PACS1: variants seen among roughly 807,000 people sequenced by gnomAD.
The protein encoded by PACS1 is phosphofurin acidic cluster sorting protein 1.
Under a neutral mutation model 115.0 loss-of-function variants are expected in PACS1, and 24 were observed. The ratio of observed to expected loss-of-function variants is 0.21; its 90% CI spans 0.15 to 0.29. The LOEUF is 0.29. Ranked by LOEUF, PACS1 falls within the 10% of genes least tolerant of loss-of-function variation. The pLI, the probability that PACS1 is intolerant of heterozygous loss-of-function variation, is 1.00. For synonymous variants in PACS1, 453 were observed against 504.5 expected (o/e 0.90, Z 1.37); for missense variants, 838 against 1,251.2 (o/e 0.67, Z 4.98).
intron 4 of PACS1, among the ~76,000 whole-genome samples, chr11:66,213,525 A>G (rs763600681): frequency 1.2e-4 from 19 of 152,184 alleles, no homozygotes; most frequent in African/African-American, 1.7e-4. Flanking sequence ...CATGTCCCCA[A>G]CTGGGTGTCA....
At position 66,070,516 on chromosome 11, in the gene PACS1, TCCCGGAGGC is replaced by T. The variant is rs1360771790; in HGVS notation, c.31_39del (p.Pro11_Gly13del). On this transcript the variant is annotated inframe_deletion, in exon 1 of 24. Transcript: ENST00000320580. The surrounding 1 kb of genome is among the most constrained non-coding windows in gnomAD (Gnocchi z 5.9). ...CGGAACGCGGAGGGGCGGGCGGTGG[TCCCGGAGGC>T]GCCGGGGGCGGCAGCGGCCAGCGGG... is the stretch of plus-strand genomic sequence containing the variant. 2.3e-6 allele frequency: 3 copies of T among 1,320,454 alleles called. No individual in the cohort carries two copies. Among genetic ancestry groups the T allele is most frequent in the Non-Finnish European group, 1.9e-6 (2 of 1,044,206 alleles). The allele number at this position is 1,320,454 out of a possible 1,614,324, so 81.8% of individuals were successfully genotyped here.
At chr11:66,126,309 AG>A (rs1858570072) in intron 1 of PACS1, among the ~76,000 whole-genome samples, 2 of 152,180 alleles carry the variant, frequency 1.3e-5, no homozygotes, top group Non-Finnish European at 2.9e-5. Context: ...TCCAGTAATC[AG>A]GGTGTTTCCT....
At chr11:66,117,271 G>A (rs2134554590) in intron 1 of PACS1, among the ~76,000 whole-genome samples, 1 of 151,926 alleles carries the variant, frequency 6.6e-6, no homozygotes, top group African/African-American at 2.4e-5. Context: ...AGCCAGCCTA[G>A]CCAACATGGT....
intron 1 of PACS1, among the ~76,000 whole-genome samples, chr11:66,086,751 G>C (rs1369316125): frequency 6.6e-6 from 1 of 152,144 alleles, no homozygotes; most frequent in Non-Finnish European, 1.5e-5. Flanking sequence ...GAGTAGCTGG[G>C]ATTACAGGCA....
intron 2 of PACS1, among the ~76,000 whole-genome samples, chr11:66,201,288 T>C (rs1298898954): frequency 2.6e-5 from 4 of 151,100 alleles, no homozygotes; most frequent in Non-Finnish European, 4.4e-5. Flanking sequence ...TAGAAATCAA[T>C]AGCAAGGAAT....
intron 1 of PACS1, among the ~76,000 whole-genome samples, chr11:66,125,280 A>G (rs1858545213): frequency 6.6e-6 from 1 of 152,166 alleles, no homozygotes; most frequent in African/African-American, 2.4e-5. Flanking sequence ...CAAAATCTCA[A>G]AAACCTACGG....
chr11:66,101,393 A>G (rs1857918153), intron 1 of PACS1, among the ~76,000 whole-genome samples: 1 of 152,244 alleles, frequency 6.6e-6, no homozygotes, highest in Non-Finnish European at 1.5e-5. Context: ...TTTAAAAAAT[A>G]GAATCACATT....
chr11:66,101,493 GC>G (rs1296607778), intron 1 of PACS1, among the ~76,000 whole-genome samples: 1 of 152,160 alleles, frequency 6.6e-6, no homozygotes, highest in African/African-American at 2.4e-5. Flanking sequence ...CTTTTTAGAT[GC>G]TGCACATACT....
intron 19 of PACS1, among the ~76,000 whole-genome samples, chr11:66,237,356 C>T (rs1855725650): frequency 6.6e-6 from 1 of 152,244 alleles, no homozygotes; most frequent in Non-Finnish European, 1.5e-5. Flanking sequence ...GCCACCATGC[C>T]CCACCAGCTT....
intron 1 of PACS1, among the ~76,000 whole-genome samples, chr11:66,142,693 G>A (rs1035860592): frequency 6.6e-6 from 1 of 151,494 alleles, no homozygotes; most frequent in South Asian, 2.1e-4. Context: ...TTCAATTTAA[G>A]CTGAATGGGA....
In PACS1 at chr11:66,196,844, C is replaced by A. The variant is rs901761932; in HGVS notation, c.444+3271C>A. On this transcript the variant is annotated intron_variant, in intron 2 of 23. Coordinates refer to ENST00000320580, the MANE Select transcript of PACS1 (RefSeq NM_018026.4). The stretch of plus-strand genomic sequence containing the variant: ...AACCCCTGACCTCAGGTAATCTGCC[C>A]ACCTTGGCCTCCCAAAGTGCTGGGA... Among the ~76,000 whole-genome samples the A allele has an allele frequency of 3.9e-5, 6 of 152,086 alleles. 1 individual carries two copies. Among genetic ancestry groups the A allele is most frequent in the Admixed American group, 3.9e-4 (6 of 15,266 alleles).
chr11:66,238,230 C>A, intron 19 of PACS1: 1 of 985,326 alleles, frequency 1.0e-6, no homozygotes, highest in Non-Finnish European at 1.2e-6. Context: ...GGCTGGTGTC[C>A]ACACCTTAGC....
intron 10 of PACS1, among the ~76,000 whole-genome samples, chr11:66,225,139 A>G (rs1241238091): frequency 2.0e-5 from 3 of 152,196 alleles, no homozygotes; most frequent in Non-Finnish European, 4.4e-5. Context: ...CACTATAAAT[A>G]ATGGCATTAG....
chr11:66,183,388 C>A (rs948345660), intron 1 of PACS1, among the ~76,000 whole-genome samples: 1 of 152,236 alleles, frequency 6.6e-6, no homozygotes, highest in South Asian at 2.1e-4. Context: ...CAATTTTTTT[C>A]TCTTGGTTTA....
chr11:66,097,999 A>G (rs1590742192), intron 1 of PACS1, among the ~76,000 whole-genome samples: 1 of 152,136 alleles, frequency 6.6e-6, no homozygotes, highest in East Asian at 1.9e-4. Context: ...CAACATGGTG[A>G]AACCTCGTCT....
At chr11:66,213,079 C>T (rs7951079) in intron 4 of PACS1, among the ~76,000 whole-genome samples, 26,594 of 152,172 alleles carry the variant, frequency 0.17, 2,400 homozygotes, top group East Asian at 0.26. Flanking sequence ...TCTTGAACTC[C>T]TGGCCTCAAG....
intron 1 of PACS1, among the ~76,000 whole-genome samples, chr11:66,080,692 C>T (rs746315317): frequency 2.6e-5 from 4 of 151,072 alleles, no homozygotes; most frequent in Non-Finnish European, 5.9e-5. Flanking sequence ...TGTGTTTAAA[C>T]TTGGTCCCCC....
chr11:66,239,248 A>G lies in PACS1; in HGVS notation c.2400A>G (p.Pro800=). The G allele has an allele frequency of 5.6e-6, 9 of 1,613,286 alleles. No individual in the cohort carries two copies. The Admixed American group carries it at 6.7e-5, about 12-fold the overall frequency. Residue 800 remains proline (P), a synonymous_variant, in exon 21 of 24, where the codon CCA becomes CCG. Transcript: ENST00000320580. ...CCACGGCCACCCCTCCCTCCTCCCC[A>G]TCTATGAGCAGCGCCCTGGCCATCG... ...RDATATPPSS[P]SMSSALAIVG... is the part of the protein sequence containing the mutation.
intron 1 of PACS1, among the ~76,000 whole-genome samples, chr11:66,134,254 CTTTTTTTTTTTTTT>C (rs1162472902): frequency 4.1e-4 from 31 of 75,074 alleles, no homozygotes; most frequent in Middle Eastern, 0.036. Context: ...TTTTCTTTTT[CTTTTTTTTTTTTTT>C]TTTTTTTTTT....
Sources: gnomAD v4.1 joint callset for allele counts (sites outside exome capture counted in the v4.1 genomes callset) on GRCh38, gnomAD v4.1.1 for gene constraint, Gnocchi (gnomAD v3.1) non-coding constraint, MANE v1.5 for transcripts, NCBI Gene and HGNC (gene_info 2026-07-23, HGNC 2026-07-21) for gene names.